The following SLBP variants were observed in gnomAD, a reference collection of about 807,000 sequenced individuals.
The protein encoded by SLBP is histone RNA hairpin-binding protein.
In SLBP, 29 loss-of-function variants were observed where a neutral mutation model predicts 39.2. The ratio of observed to expected loss-of-function variants is 0.74; its 90% CI spans 0.55 to 1.01. SLBP has a LOEUF of 1.01. Among genes scored for constraint, SLBP ranks in the 50% least tolerant of loss-of-function variants. SLBP has a pLI of 0.00. For missense variants in SLBP, 390 were observed against 350.2 expected (o/e 1.11, Z -0.91); for synonymous variants, 129 against 118.7 (o/e 1.09, Z -0.57).
chr4:1,712,230 G>A lies in SLBP; in HGVS notation c.-42C>T. ...CGCGCAGCGCAGGGCCGAGGCTGAG[G>A]CGGCGGCGGCGCGGGCAGAGAGCGC... On this transcript the variant is annotated 5_prime_UTR_variant, in exon 1 of 8. Coordinates refer to ENST00000489418, the MANE Select transcript of SLBP (RefSeq NM_006527.4). 8.4e-7 allele frequency: 1 copy of A among 1,189,244 alleles called. No homozygotes were observed. Among genetic ancestry groups the A allele is most frequent in the Non-Finnish European group, 1.1e-6 (1 of 933,598 alleles). The allele number at this position is 1,189,244 out of a possible 1,614,324, so 73.7% of individuals were successfully genotyped here. A position where few individuals can be genotyped will look rare whatever the true frequency, so the allele number is the denominator to read the frequency against.
In SLBP at chr4:1,699,658, CAA is replaced by C; in HGVS notation, c.383_384del (p.Phe128Ter). On this transcript the variant is annotated frameshift_variant, in exon 5 of 8. Transcript: ENST00000489418. LOFTEE classifies it high-confidence loss of function. ...CTCATTAGGACACTTTCATCTGTCT[CAA>C]AGTCAGCCGGCACAGTAGACATAGA... ...KESMSTVPAD[F>X]ETDESVLMRR... 1 of 1,613,824 alleles carries C rather than the reference CAA, an allele frequency of 6.2e-7. No homozygotes were observed. The highest frequency in any genetic ancestry group is 8.5e-7 in the Non-Finnish European group (1 of 1,179,712).
intron 2 of SLBP, 149 bp from the exon 3 acceptor site, chr4:1,703,849 G>T (rs574559607): frequency 1.5e-6 from 1 of 649,962 alleles, no homozygotes; most frequent in Non-Finnish European, 2.8e-6. Context: ...AGGATCACTT[G>T]AACCCAGGAG....
intron 2 of SLBP, among the ~76,000 whole-genome samples, chr4:1,707,504 A>T (rs951373168): frequency 3.3e-5 from 5 of 151,930 alleles, no homozygotes; most frequent in African/African-American, 4.8e-5. Context: ...ATTAAAATTT[A>T]AAAAATAATA....
At chr4:1,705,114 G>A (rs1369254381) in intron 2 of SLBP, among the ~76,000 whole-genome samples, 2 of 151,970 alleles carry the variant, frequency 1.3e-5, no homozygotes, top group African/African-American at 4.8e-5. Context: ...TTTAATACAG[G>A]CTGAGTTTCT....
intron 3 of SLBP, among the ~76,000 whole-genome samples, chr4:1,701,670 GC>G (rs1363020267): frequency 6.6e-6 from 1 of 152,136 alleles, no homozygotes; most frequent in Non-Finnish European, 1.5e-5. Context: ...ACTTTGGGAG[GC>G]CGAGGCGGGC....
chr4:1,709,207 G>A (rs548266598), intron 2 of SLBP, among the ~76,000 whole-genome samples: 3 of 152,116 alleles, frequency 2.0e-5, no homozygotes, highest in Non-Finnish European at 4.4e-5. Flanking sequence ...GGGATTACAG[G>A]CATGCGCCAC....
intron 3 of SLBP, among the ~76,000 whole-genome samples, chr4:1,703,151 C>T (rs1011118339): frequency 6.6e-6 from 1 of 151,194 alleles, no homozygotes; most frequent in South Asian, 2.1e-4. Flanking sequence ...GCAAGAGAAT[C>T]GCTTGAACCC....
chr4:1,711,368 G>A (rs1716761857), intron 2 of SLBP, among the ~76,000 whole-genome samples: 6 of 150,960 alleles, frequency 4.0e-5, no homozygotes. Context: ...TCTAACCACA[G>A]CCCCGAAAAG....
chr4:1,703,493 G>A lies in SLBP; in HGVS notation c.281+103C>T, dbSNP rs186741578. ...AGGAAATGTTGATGCCTTTGGTCTG[G>A]AGCCCAGACCTTTGAAAACCACTGT... is the stretch of plus-strand genomic sequence containing the variant. On this transcript the variant is annotated intron_variant, in intron 3 of 7. Transcript: ENST00000489418. 64 of 776,468 alleles carry A rather than the reference G, an allele frequency of 8.2e-5. No homozygotes were observed. The African/African-American group carries it at 1.1e-3, about 13-fold the overall frequency. The allele number at this position is 776,468 out of a possible 1,614,324, so 48.1% of individuals were successfully genotyped here. A position where few individuals can be genotyped will look rare whatever the true frequency, so the allele number is the denominator to read the frequency against.
At chr4:1,695,409 G>C (rs1055743454) in intron 6 of SLBP, among the ~76,000 whole-genome samples, 8 of 152,204 alleles carry the variant, frequency 5.3e-5, no homozygotes, top group African/African-American at 1.9e-4. Flanking sequence ...TAGAGGGAGG[G>C]AGGTACACGA....
rs200101132 is a variant in SLBP, at chr4:1,699,586, G to A, written c.457C>T (p.Arg153Cys). The change falls in exon 5 of 8, where the codon CGT becomes TGT. Residue 153 changes from arginine (R) to cysteine (C), a missense_variant. Physicochemically the swap from Arg to Cys is radical, Grantham distance 180. Coordinates refer to ENST00000489418, the MANE Select transcript of SLBP (RefSeq NM_006527.4). ...TACCTTGGGACTTCTTTAATATAAC[G>A]ATCGTAGGCAATTGTGTTCTTCCCA... ...NYGKNTIAYD[R>C]YIKEVPRHLR... 111 of 1,613,722 alleles carry A rather than the reference G, an allele frequency of 6.9e-5. No homozygotes were observed. The highest frequency in any genetic ancestry group is 8.7e-5 in the Non-Finnish European group (103 of 1,179,716).
intron 3 of SLBP, among the ~76,000 whole-genome samples, chr4:1,703,234 C>CA (rs56203431): frequency 6.6e-3 from 309 of 47,076 alleles, no homozygotes; most frequent in South Asian, 0.042. Flanking sequence ...GAGACTGTCT[C>CA]AAAAAAAAAA....
intron 5 of SLBP, among the ~76,000 whole-genome samples, chr4:1,698,785 A>G (rs535502022): frequency 6.6e-6 from 1 of 151,362 alleles, no homozygotes; most frequent in Non-Finnish European, 1.5e-5. Flanking sequence ...CACTCAGCCA[A>G]AAGTAAAATT....
At chr4:1,712,021 G>T (rs978769407) in intron 1 of SLBP, 31 bp from the exon 2 acceptor site, 1 of 1,267,008 alleles carries the variant, frequency 7.9e-7, no homozygotes. Context: ...GGCTGGGCAC[G>T]GGAGGTTCGG....
In SLBP at chr4:1,712,236, G is replaced by A. The variant is rs1716811340; in HGVS notation, c.-48C>T. 10 of 1,174,770 alleles carry A rather than the reference G, an allele frequency of 8.5e-6. No individual in the cohort carries two copies. In the Admixed American group the frequency reaches 2.0e-4, roughly 23 times the overall value. 72.8% of individuals were successfully genotyped at this position (1,174,770 alleles called of 1,614,324 possible). A position where few individuals can be genotyped will look rare whatever the true frequency, so the allele number is the denominator to read the frequency against. On this transcript the variant is annotated 5_prime_UTR_variant, in exon 1 of 8. Transcript: ENST00000489418. ...GCGCAGGGCCGAGGCTGAGGCGGCG[G>A]CGGCGCGGGCAGAGAGCGCAGAGTA...
At chr4:1,700,462 A>G (rs1212708283) in intron 3 of SLBP, among the ~76,000 whole-genome samples, 2 of 147,186 alleles carry the variant, frequency 1.4e-5, no homozygotes, top group African/African-American at 4.9e-5. Flanking sequence ...TCATTACCAG[A>G]ACGCAGTTTT....
chr4:1,703,180 T>C (rs1023849216), intron 3 of SLBP, among the ~76,000 whole-genome samples: 1 of 147,080 alleles, frequency 6.8e-6, no homozygotes, highest in East Asian at 2.0e-4. Context: ...GAGGTTGCAG[T>C]GAGCCGAGAT....
chr4:1,703,747 T>C, intron 2 of SLBP, 47 bp from the exon 3 acceptor site: 1 of 1,296,854 alleles, frequency 7.7e-7, no homozygotes, highest in Non-Finnish European at 1.1e-6. Context: ...ATACTTTGTT[T>C]TCTTTCAAAC....
chr4:1,702,531 G>A (rs776710011), intron 3 of SLBP, among the ~76,000 whole-genome samples: 14 of 152,136 alleles, frequency 9.2e-5, no homozygotes, highest in Non-Finnish European at 1.6e-4. Flanking sequence ...CCACTTGTTG[G>A]CTAAAATTAT....
Sources: gnomAD v4.1 joint callset for allele counts (sites outside exome capture counted in the v4.1 genomes callset) on GRCh38, gnomAD v4.1.1 for gene constraint, MANE v1.5 for transcripts, NCBI Gene and HGNC (gene_info 2026-07-23, HGNC 2026-07-21) for gene names.